The following TSC2 variants were observed in gnomAD, a reference collection of about 807,000 sequenced individuals.
The protein encoded by TSC2 is tuberin.
TSC2 carries 29 observed loss-of-function variants against 202.2 expected under a neutral mutation model. That is an observed-to-expected ratio of 0.14 (90% confidence interval 0.11 to 0.20). The LOEUF (loss-of-function observed/expected upper bound fraction) is 0.20, where lower values mean the gene tolerates loss of function less well. Among genes scored for constraint, TSC2 ranks in the 10% least tolerant of loss-of-function variants. The probability of loss-of-function intolerance (pLI) is 1.00; values close to 1 mark genes in which losing one functional copy is unlikely to be tolerated. For missense variants in TSC2, 2,429 were observed against 2,420.0 expected (o/e 1.00, Z -0.08); for synonymous variants, 1,349 against 1,044.0 (o/e 1.29, Z -5.63).
chr16:2,051,946 T>C (rs139385485), intron 3 of TSC2, among the ~76,000 whole-genome samples: 61 of 152,300 alleles, frequency 4.0e-4, no homozygotes, highest in Middle Eastern at 3.4e-3. Context: ...GCACCTGTAA[T>C]CCCAGCTACT....
rs2091063774 is a variant in TSC2, at chr16:2,087,957, GC to G, written c.5068+19del. 6.2e-7 allele frequency: 1 copy of G among 1,604,334 alleles called. No homozygotes were observed. The highest frequency in any genetic ancestry group is 1.3e-5 in the African/African-American group (1 of 74,648). ...TGCAGGAAAGGTAGGGCCGGGTGGG[GC>G]CCTGCAGTGCAGGAAAGGTAGGGCC... On this transcript the variant is annotated intron_variant, in intron 39 of 41. Transcript: ENST00000219476.
In TSC2 at chr16:2,064,643, T is replaced by G. The variant is rs17654678; in HGVS notation, c.1599+216T>G. 63,746 of 716,704 alleles carry G rather than the reference T, an allele frequency of 0.089. 3,589 individuals carry two copies. The highest frequency in any genetic ancestry group is 0.11 in the Non-Finnish European group (48,790 of 434,856). The allele number at this position is 716,704 out of a possible 1,614,324, so 44.4% of individuals were successfully genotyped here. A position where few individuals can be genotyped will look rare whatever the true frequency, so the allele number is the denominator to read the frequency against. ...GAAAGTCCTGGACATGGGTGTCCTG[T>G]CACACTCTGGGACAGCTGGGCTGGG... On this transcript the variant is annotated intron_variant, in intron 15 of 41. Coordinates refer to ENST00000219476, the MANE Select transcript of TSC2 (RefSeq NM_000548.5).
At chr16:2,082,652 G>A in intron 32 of TSC2, 148 bp downstream of exon 32, 1 of 880,822 alleles carries the variant, frequency 1.1e-6, no homozygotes, top group East Asian at 2.6e-5. Flanking sequence ...GGACGTCTGT[G>A]CAGAATGTCT....
rs2090911897 is a variant in TSC2 at position 2,087,116 on chromosome 16, C to T, written c.4989+245C>T. 1.0e-5 allele frequency: 6 copies of T among 598,944 alleles called. No individual in the cohort carries two copies. In the South Asian group the frequency reaches 1.1e-4, roughly 11 times the overall value. 37.1% of individuals were successfully genotyped at this position (598,944 alleles called of 1,614,324 possible). A position where few individuals can be genotyped will look rare whatever the true frequency, so the allele number is the denominator to read the frequency against. The stretch of plus-strand genomic sequence containing the variant: ...AACTGGCAAGTGCAGACTGGGTGTG[C>T]TGGGTGGGCACAGTGTAGTTGGTGC... On this transcript the variant is annotated intron_variant, in intron 38 of 41. Transcript: ENST00000219476.
chr16:2,083,780 G>T lies in TSC2; in HGVS notation c.3969G>T (p.Ala1323=), dbSNP rs749057825. 1 of 1,611,384 alleles carries T rather than the reference G, an allele frequency of 6.2e-7. No individual in the cohort carries two copies. ...EPPGLEDVEA[A]LGMDRRTDAY... ...CAGGGTTGGAGGACGTTGAGGCAGC[G>T]CTAGGCATGGACAGGCGCACGGATG... Residue 1323 remains alanine (A), a synonymous_variant, in exon 33 of 42, where the codon GCG becomes GCT. Transcript: ENST00000219476.
intron 17 of TSC2, 193 bp from the exon 18 acceptor site, chr16:2,071,317 G>T: frequency 1.5e-6 from 1 of 650,414 alleles, no homozygotes; most frequent in Non-Finnish European, 2.8e-6. Flanking sequence ...GGAGGGAGGA[G>T]GCTGTGGGTG....
In TSC2 at chr16:2,081,855, G is replaced by A. The variant is rs1596401261; in HGVS notation, c.3814+57G>A. On this transcript the variant is annotated intron_variant, in intron 31 of 41. Coordinates refer to ENST00000219476, the MANE Select transcript of TSC2 (RefSeq NM_000548.5). ...CTGCTCCCACTGGCCTGGTGCTCCC[G>A]GTGACGGCAATGTGGCTCCTCTCTG... 23 of 1,586,388 alleles carry A rather than the reference G, an allele frequency of 1.4e-5. 1 individual carries two copies. Among genetic ancestry groups the A allele is most frequent in the Middle Eastern group, 2.2e-4 (1 of 4,456 alleles).
intron 32 of TSC2, chr16:2,083,281 T>G: frequency 2.2e-6 from 1 of 459,664 alleles, no homozygotes; most frequent in Non-Finnish European, 4.4e-6. Context: ...GGGAGCAGTC[T>G]GTTTGCAAAC....
chr16:2,057,539 A>C (rs980618736), intron 9 of TSC2, among the ~76,000 whole-genome samples: 1 of 151,980 alleles, frequency 6.6e-6, no homozygotes, highest in East Asian at 1.9e-4. Flanking sequence ...TGCTTTAGCC[A>C]TTAGAGATGG....
chr16:2,055,160 G>A (rs1567402222), intron 5 of TSC2: 3 of 591,590 alleles, frequency 5.1e-6, no homozygotes, highest in South Asian at 1.9e-5. Flanking sequence ...CTGCCGCCTC[G>A]GCACAGACCC....
rs1035318969 is a variant in TSC2, at chr16:2,072,580, C to T, written c.2220+217C>T. The T allele has an allele frequency of 1.1e-5, 9 of 825,022 alleles. No individual in the cohort carries two copies. In the East Asian group the frequency reaches 1.9e-4, roughly 17 times the overall value. The allele number at this position is 825,022 out of a possible 1,614,324, so 51.1% of individuals were successfully genotyped here. On this transcript the variant is annotated intron_variant, in intron 20 of 41. Coordinates refer to ENST00000219476, the MANE Select transcript of TSC2 (RefSeq NM_000548.5). ...GGGACTGACGTCAGAGGTCCCCAGC[C>T]AAGGGCATGTCACTGAATGTGGATG...
intron 16 of TSC2, chr16:2,066,477 C>G (rs1289203699): frequency 6.6e-6 from 1 of 152,182 alleles, no homozygotes; most frequent in Non-Finnish European, 1.5e-5. Context: ...TGAACCTTCT[C>G]CTACGAGGGC....
In TSC2 at chr16:2,048,008, A is replaced by T. The variant is rs886051785; in HGVS notation, c.-87A>T. On this transcript the variant is annotated 5_prime_UTR_variant, in exon 1 of 42. Coordinates refer to ENST00000219476, the MANE Select transcript of TSC2 (RefSeq NM_000548.5). ...GCGCTTCCGGCGGCGTCCCGGGGCCAGGGGGGTGCGCCTTTCTCCGCGTCG... is the reference window on the plus strand; with the variant it reads ...GCGCTTCCGGCGGCGTCCCGGGGCCTGGGGGGTGCGCCTTTCTCCGCGTCG... 5 of 1,485,982 alleles carry T rather than the reference A, an allele frequency of 3.4e-6. No individual in the cohort carries two copies. The highest frequency in any genetic ancestry group is 1.4e-5 in the African/African-American group (1 of 69,946). 92.0% of individuals were successfully genotyped at this position (1,485,982 alleles called of 1,614,324 possible).
At chr16:2,069,759 C>T (rs745695612) in intron 16 of TSC2, among the ~76,000 whole-genome samples, 20 of 152,178 alleles carry the variant, frequency 1.3e-4, no homozygotes, top group Non-Finnish European at 1.6e-4. Flanking sequence ...GGATTACAGG[C>T]GTGAGCCACT....
At position 2,079,725 on chromosome 16, in the gene TSC2, C is replaced by T. The variant is rs533389245; in HGVS notation, c.3397+56C>T. ...GGCACCGGGGCTCCCTCAGTTGCTG[C>T]TGGTCCCAGTGTTCAGGAAGGCCCC... On this transcript the variant is annotated intron_variant, in intron 29 of 41. Transcript: ENST00000219476. This position sits in a 1 kb window ranked among gnomAD's most constrained non-coding sequence, Gnocchi z 4.6. 5.5e-4 allele frequency: 834 copies of T among 1,515,840 alleles called. 5 individuals are homozygous for T. In the African/African-American group the frequency reaches 0.01, roughly 19 times the overall value. The allele number at this position is 1,515,840 out of a possible 1,614,324, so 93.9% of individuals were successfully genotyped here.
In TSC2 at chr16:2,079,191, G is replaced by T. The variant is rs36078782; in HGVS notation, c.3126G>T (p.Pro1042=). ...RYVFSNFTAV[P]KRSPVGEFLL... ...TCTTCTCCAACTTCACGGCTGTCCCGAAGAGGTCCAGGCGGCACTACAGGG... is the reference window on the plus strand; with the variant it reads ...TCTTCTCCAACTTCACGGCTGTCCCTAAGAGGTCCAGGCGGCACTACAGGG... Residue 1042 remains proline (P), a synonymous_variant, in exon 27 of 42, where the codon CCG becomes CCT. Transcript: ENST00000219476. This position sits in a 1 kb window ranked among gnomAD's most constrained non-coding sequence, Gnocchi z 4.6. The T allele has an allele frequency of 5.8e-5, 94 of 1,612,872 alleles. 1 individual carries two copies. The East Asian group carries it at 8.7e-4, about 15-fold the overall frequency.
At chr16:2,056,870 C>T (rs1041683136) in intron 8 of TSC2, 101 bp downstream of exon 8, 7 of 1,571,108 alleles carry the variant, frequency 4.5e-6, no homozygotes, top group Non-Finnish European at 6.1e-6. Context: ...TTGGGGTGGC[C>T]AGACAATGGC....
At chr16:2,083,230 T>C (rs1596408784) in intron 32 of TSC2, 1 of 460,344 alleles carries the variant, frequency 2.2e-6, no homozygotes, top group Admixed American at 2.3e-5. Context: ...CGTCCCCAGC[T>C]GTGGGTCTGG....
At position 2,074,263 on chromosome 16, in the gene TSC2, G is replaced by A. The variant is rs2151349735; in HGVS notation, c.2419G>A (p.Ala807Thr). The A allele has an allele frequency of 6.2e-7, 1 of 1,612,964 alleles. No individual in the cohort carries two copies. The change falls in exon 22 of 42, where the codon GCC (alanine) becomes ACC (threonine). Residue 807 changes from alanine to threonine, a missense_variant. By Grantham distance (58) the Ala-to-Thr change is moderately conservative. Transcript: ENST00000219476. ...IHRCASQCVV[A>T]LSICSVEMPD... ...CCGCTGTGCCAGCCAGTGCGTCGTG[G>A]CCTTGTCCATCTGCAGCGTGGAGAT... is the stretch of plus-strand genomic sequence containing the variant.
Sources: gnomAD v4.1 joint callset for allele counts (sites outside exome capture counted in the v4.1 genomes callset) on GRCh38, gnomAD v4.1.1 for gene constraint, Gnocchi (gnomAD v3.1) non-coding constraint, MANE v1.5 for transcripts, NCBI Gene and HGNC (gene_info 2026-07-23, HGNC 2026-07-21) for gene names.